The following NUP35 variants were observed in gnomAD, a reference collection of about 807,000 sequenced individuals.
NUP35 encodes nucleoporin 35.
NUP35 carries 25 observed loss-of-function variants against 41.5 expected under a neutral mutation model. The observed-to-expected ratio is 0.60, with a 90% CI of 0.44 to 0.84. The LOEUF (loss-of-function observed/expected upper bound fraction) is 0.84, where lower values mean the gene tolerates loss of function less well. Ranked by LOEUF, NUP35 falls within the 40% of genes least tolerant of loss-of-function variation. NUP35 has a pLI of 0.00. For missense variants in NUP35, 396 were observed against 396.6 expected, an observed-to-expected ratio of 1.00 and a Z score of 0.01; for synonymous variants, 149 against 130.7, an observed-to-expected ratio of 1.14 and a Z score of -0.96.
At chr2:183,150,586 C>G (rs992672491) in intron 4 of NUP35, among the ~76,000 whole-genome samples, 2 of 152,156 alleles carry the variant, frequency 1.3e-5, no homozygotes, top group Non-Finnish European at 2.9e-5. Context: ...CAAATTGGCC[C>G]TGTCTCCCTT....
chr2:183,118,110 C>T (rs1478501406), intron 1 of NUP35, among the ~76,000 whole-genome samples: 1 of 152,104 alleles, frequency 6.6e-6, no homozygotes, highest in Non-Finnish European at 1.5e-5. Context: ...AAAGGGCTCC[C>T]CACCTAAGTT....
At chr2:183,122,358 G>A (rs140405993), upstream of NUP35, among the ~76,000 whole-genome samples, 979 of 152,302 alleles carry the variant, frequency 6.4e-3, 9 homozygotes, top group African/African-American at 0.022. Context: ...TTACAGGCAT[G>A]AGCCACCATG....
At position 183,157,601 on chromosome 2, in the gene NUP35, T is replaced by A. The variant is rs914191655; in HGVS notation, c.609+88T>A. 56 of 958,790 alleles carry A rather than the reference T, an allele frequency of 5.8e-5. No individual in the cohort carries two copies. The African/African-American group carries it at 7.1e-4, about 12-fold the overall frequency. The allele number at this position is 958,790 out of a possible 1,614,324, so 59.4% of individuals were successfully genotyped here. ...GAAACTGCTTCTGAATTTTGTGGGT[T>A]TTTTTTAAACTTAAATTTTTTTTTG... On this transcript the variant is annotated intron_variant, in intron 6 of 8. Coordinates refer to ENST00000295119, the MANE Select transcript of NUP35 (RefSeq NM_138285.5).
At chr2:183,149,641 G>C (rs1575131070) in intron 4 of NUP35, among the ~76,000 whole-genome samples, 1 of 152,298 alleles carries the variant, frequency 6.6e-6, no homozygotes, top group East Asian at 1.9e-4. Flanking sequence ...TCATGAGAGA[G>C]TCCTGGGGGA....
intron 1 of NUP35, among the ~76,000 whole-genome samples, chr2:183,125,779 C>T (rs1035854443): frequency 1.3e-5 from 2 of 152,168 alleles, no homozygotes; most frequent in African/African-American, 4.8e-5. Flanking sequence ...ATGTTTAAGT[C>T]CACATTTTGC....
At chr2:183,138,245 C>CTATATATATATATATATA (rs1208421272) in intron 4 of NUP35, among the ~76,000 whole-genome samples, 3 of 112,682 alleles carry the variant, frequency 2.7e-5, no homozygotes, top group African/African-American at 3.7e-5. Context: ...TCATTTAGAG[C>CTATATATATATATATATA]TATATATATA....
chr2:183,144,509 C>G (rs915777033), intron 4 of NUP35, among the ~76,000 whole-genome samples: 1 of 152,150 alleles, frequency 6.6e-6, no homozygotes, highest in Non-Finnish European at 1.5e-5. Flanking sequence ...CTTTTAATCT[C>G]TTTTGTTTTC....
intron 1 of NUP35, among the ~76,000 whole-genome samples, chr2:183,126,849 A>C (rs1684508796): frequency 6.6e-6 from 1 of 152,250 alleles, no homozygotes; most frequent in African/African-American, 2.4e-5. Context: ...AGTCACACTC[A>C]GGCTTGTCAC....
chr2:183,125,398 G>A (rs1344809747), intron 1 of NUP35, among the ~76,000 whole-genome samples: 2 of 149,610 alleles, frequency 1.3e-5, no homozygotes, highest in East Asian at 3.8e-4. Flanking sequence ...TCTGAGCTTG[G>A]AAAAGAGAGC....
At chr2:183,142,984 G>A (rs193196191) in intron 4 of NUP35, among the ~76,000 whole-genome samples, 63 of 151,524 alleles carry the variant, frequency 4.2e-4, no homozygotes, top group African/African-American at 1.1e-3. Context: ...GTGAAACACC[G>A]TCTCTACTAA....
intron 4 of NUP35, among the ~76,000 whole-genome samples, chr2:183,147,683 A>C (rs1420825107): frequency 6.6e-6 from 1 of 152,102 alleles, no homozygotes; most frequent in Non-Finnish European, 1.5e-5. Context: ...CTTCCCTGTG[A>C]ATTTTAGAAT....
In NUP35 at chr2:183,131,718, G is replaced by C. The variant is rs558465330; in HGVS notation, c.339+1173G>C. Among the ~76,000 whole-genome samples, 9 of 152,252 alleles carry C rather than the reference G, an allele frequency of 5.9e-5. No individual in the cohort carries two copies. The East Asian group carries it at 1.5e-3, about 26-fold the overall frequency. On this transcript the variant is annotated intron_variant, in intron 3 of 8. Coordinates refer to ENST00000295119, the MANE Select transcript of NUP35 (RefSeq NM_138285.5). ...TTTGAAGACTTAGAAAGAATGTAAG[G>C]TATCTTATTTTTTTATGTTGATTAC...
intron 4 of NUP35, among the ~76,000 whole-genome samples, chr2:183,139,018 C>T (rs1684991012): frequency 6.6e-6 from 1 of 152,024 alleles, no homozygotes. Flanking sequence ...TTATGAACTC[C>T]TTCAAGACAG....
chr2:183,147,073 GT>G lies in NUP35; in HGVS notation c.398-4427del, dbSNP rs201247070. On this transcript the variant is annotated intron_variant, in intron 4 of 8. Transcript: ENST00000295119. Reference sequence around the variant, plus strand: ...TCATGTCCTTTGCCCACTTTTTAATGTTTTTTTTCTTGTTAAGTTCTTTACA... The same window carrying G: ...TCATGTCCTTTGCCCACTTTTTAATGTTTTTTTCTTGTTAAGTTCTTTACA... Among the ~76,000 whole-genome samples the G allele has an allele frequency of 3.7e-3, 562 of 151,844 alleles. 1 individual carries two copies. Among genetic ancestry groups the G allele is most frequent in the Middle Eastern group, 0.027 (8 of 294 alleles).
chr2:183,122,151 A>G (rs191304959), upstream of NUP35, among the ~76,000 whole-genome samples: 13,014 of 150,802 alleles, frequency 0.086, 730 homozygotes, highest in Non-Finnish European at 0.12. Context: ...GTCTTGGCTC[A>G]CTGCAACCTC....
At chr2:183,129,215 C>T (rs892293277) in intron 2 of NUP35, among the ~76,000 whole-genome samples, 2 of 138,700 alleles carry the variant, frequency 1.4e-5, no homozygotes, top group Admixed American at 1.4e-4. Context: ...TTTAAGGAAA[C>T]TTGGGGGGGA....
intron 1 of NUP35, among the ~76,000 whole-genome samples, chr2:183,128,044 G>T (rs950618163): frequency 1.3e-5 from 2 of 151,192 alleles, no homozygotes; most frequent in Non-Finnish European, 2.9e-5. Flanking sequence ...CTGCACTCCA[G>T]CCTGGTGACA....
intron 4 of NUP35, 128 bp from the exon 5 acceptor site, chr2:183,151,380 T>G (rs1278293625): frequency 4.2e-6 from 3 of 716,678 alleles, no homozygotes; most frequent in Non-Finnish European, 6.8e-6. Context: ...TGACCACAGT[T>G]GTATGTTTTG....
Position 183,131,121 on chromosome 2 carries a change from C to T in NUP35, c.339+576C>T, listed in dbSNP as rs922424512. 3.8e-5 allele frequency: 11 copies of T among 290,100 alleles called. 1 individual carries two copies. The highest frequency in any genetic ancestry group is 6.1e-5 in the Non-Finnish European group (8 of 132,088). 18.0% of individuals were successfully genotyped at this position (290,100 alleles called of 1,614,324 possible). On this transcript the variant is annotated intron_variant, in intron 3 of 8. Transcript: ENST00000295119. ...CAACTGTCCTATTGGGATATAGGCACGTGCTGCTATGCCTGGCTAATTGTA... is the reference window on the plus strand; with the variant it reads ...CAACTGTCCTATTGGGATATAGGCATGTGCTGCTATGCCTGGCTAATTGTA...
Sources: allele counts gnomAD v4.1 joint callset (sites outside exome capture counted in the v4.1 genomes callset), GRCh38; gene constraint gnomAD v4.1.1; transcripts MANE v1.5; gene names NCBI Gene and HGNC (gene_info 2026-07-23, HGNC 2026-07-21).